The following CCL26 variants were observed in gnomAD, a reference collection of about 807,000 sequenced individuals.
CCL26 encodes C-C motif chemokine 26.
A neutral mutation model predicts 10.7 loss-of-function variants in CCL26; 10 were observed. That is an observed-to-expected ratio of 0.93 (90% CI 0.57 to 1.58). The LOEUF is 1.58. Ranked by LOEUF, CCL26 falls within the 40% of genes most tolerant of loss-of-function variation. The pLI is 0.00. For missense variants in CCL26, 116 were observed against 111.0 expected, an observed-to-expected ratio of 1.05 and a Z score of -0.20; for synonymous variants, 43 against 41.4, an observed-to-expected ratio of 1.04 and a Z score of -0.15.
chr7:75,774,298 C>T (rs566256504), upstream of CCL26, among the ~76,000 whole-genome samples: 1 of 152,112 alleles, frequency 6.6e-6, no homozygotes, highest in South Asian at 2.1e-4. Context: ...TACAGGCATG[C>T]GCCATCACGC....
At chr7:75,780,538 T>C (rs1417671873) in intron 1 of CCL26, among the ~76,000 whole-genome samples, 1 of 152,112 alleles carries the variant, frequency 6.6e-6, no homozygotes, top group African/African-American at 2.4e-5. Flanking sequence ...GCCAGAAAAA[T>C]GGCACTTTCG....
chr7:75,773,287 G>T (rs1202280212), upstream of CCL26, among the ~76,000 whole-genome samples: 1 of 151,924 alleles, frequency 6.6e-6, no homozygotes, highest in South Asian at 2.1e-4. Context: ...AGCCAGGCAC[G>T]GTGGCGGGCA....
intron 1 of CCL26, among the ~76,000 whole-genome samples, chr7:75,783,538 G>A (rs555985852): frequency 1.3e-5 from 2 of 152,234 alleles, no homozygotes; most frequent in Non-Finnish European, 1.5e-5. Flanking sequence ...GGTGGCTCAC[G>A]CTTGTAATCC....
chr7:75,787,430 G>A (rs540667558), intron 1 of CCL26, among the ~76,000 whole-genome samples: 2 of 151,962 alleles, frequency 1.3e-5, no homozygotes, highest in African/African-American at 4.8e-5. Context: ...AGATCACAAG[G>A]TCAGAAGATC....
At chr7:75,779,926 C>A (rs968701707) in intron 1 of CCL26, among the ~76,000 whole-genome samples, 15 of 145,690 alleles carry the variant, frequency 1.0e-4, no homozygotes, top group Non-Finnish European at 2.0e-4. Flanking sequence ...GGGCAAGCAC[C>A]CCCCTCCCCT....
At chr7:75,784,841 C>T (rs567235648) in intron 1 of CCL26, among the ~76,000 whole-genome samples, 100 of 152,198 alleles carry the variant, frequency 6.6e-4, no homozygotes, top group Non-Finnish European at 1.3e-3. Context: ...TCTACTCCCC[C>T]CTTGGTGACC....
chr7:75,791,236 A>G (rs1372367552), upstream of CCL26, among the ~76,000 whole-genome samples: 3 of 151,990 alleles, frequency 2.0e-5, no homozygotes, highest in Non-Finnish European at 4.4e-5. Flanking sequence ...CATGTTGGCC[A>G]GGCTGGTCTC....
chr7:75,769,747 C>T lies in CCL26; in HGVS notation c.231G>A (p.Arg77=). 6.2e-7 allele frequency: 1 copy of T among 1,612,524 alleles called. No homozygotes were observed. The highest frequency in any genetic ancestry group is 8.5e-7 in the Non-Finnish European group (1 of 1,178,668). ...KRGKKVCTHP[R]KKWVQKYISL... is the part of the protein sequence containing the mutation. ...AAATGTATTTTTGCACCCATTTTTTCCTTGGATGGGTACAGACTTTCTTGC... is the reference window on the plus strand; with the variant it reads ...AAATGTATTTTTGCACCCATTTTTTTCTTGGATGGGTACAGACTTTCTTGC... Residue 77 remains arginine, a synonymous_variant, in exon 3 of 3, where the codon AGG becomes AGA. Transcript: ENST00000005180.
At chr7:75,783,584 G>C (rs1003171818) in intron 1 of CCL26, among the ~76,000 whole-genome samples, 8 of 152,092 alleles carry the variant, frequency 5.3e-5, no homozygotes, top group Non-Finnish European at 1.2e-4. Context: ...CGGATCACGA[G>C]GTCAGGAGAT....
At chr7:75,781,094 GC>G (rs1803049843) in intron 1 of CCL26, among the ~76,000 whole-genome samples, 2 of 152,114 alleles carry the variant, frequency 1.3e-5, no homozygotes, top group Non-Finnish European at 2.9e-5. Flanking sequence ...ACAACCCTTA[GC>G]GGCTTTACAG....
chr7:75,791,440 C>A (rs1360115645), upstream of CCL26, among the ~76,000 whole-genome samples: 1 of 152,152 alleles, frequency 6.6e-6, no homozygotes, highest in Non-Finnish European at 1.5e-5. Context: ...CCAGGCCCTT[C>A]CCTGTGGCTG....
At chr7:75,781,030 T>A (rs1260779327) in intron 1 of CCL26, among the ~76,000 whole-genome samples, 2 of 152,248 alleles carry the variant, frequency 1.3e-5, no homozygotes, top group Non-Finnish European at 2.9e-5. Context: ...AGTTAGCATT[T>A]AGGCTCTTTC....
chr7:75,786,002 T>C (rs546503980), intron 1 of CCL26, among the ~76,000 whole-genome samples: 1 of 152,260 alleles, frequency 6.6e-6, no homozygotes, highest in East Asian at 1.9e-4. Context: ...CAAACTATGC[T>C]CAACTCACTC....
At chr7:75,787,970 G>A (rs903009648) in intron 1 of CCL26, among the ~76,000 whole-genome samples, 3 of 151,394 alleles carry the variant, frequency 2.0e-5, no homozygotes, top group African/African-American at 7.3e-5. Context: ...CCACAATATC[G>A]CCCCTTACCA....
At chr7:75,783,886 C>A (rs1554529706) in intron 1 of CCL26, among the ~76,000 whole-genome samples, 1 of 152,076 alleles carries the variant, frequency 6.6e-6, no homozygotes, top group Admixed American at 6.6e-5. Flanking sequence ...CAGCCCTACA[C>A]CCTGAAAGGT....
intron 1 of CCL26, among the ~76,000 whole-genome samples, chr7:75,779,852 T>A (rs1168618702): frequency 1.3e-5 from 2 of 152,080 alleles, no homozygotes; most frequent in Admixed American, 1.3e-4. Flanking sequence ...TCTCTCTGTG[T>A]CTCTATCCCT....
At chr7:75,777,370 C>A (rs1318997872) in intron 1 of CCL26, among the ~76,000 whole-genome samples, 5 of 152,194 alleles carry the variant, frequency 3.3e-5, no homozygotes, top group Admixed American at 2.0e-4. Flanking sequence ...AATAAATTGT[C>A]ATTTAATAAC....
intron 1 of CCL26, among the ~76,000 whole-genome samples, chr7:75,785,520 G>A (rs559838766): frequency 1.3e-3 from 193 of 152,066 alleles, no homozygotes; most frequent in African/African-American, 4.3e-3. Context: ...TACCTACCTC[G>A]GCATAATTCT....
At chr7:75,781,587 G>A (rs557152397) in intron 1 of CCL26, among the ~76,000 whole-genome samples, 5 of 152,324 alleles carry the variant, frequency 3.3e-5, no homozygotes, top group Non-Finnish European at 5.9e-5. Context: ...TGACCTGCAC[G>A]TATGCATCCA....
Sources: allele counts gnomAD v4.1 joint callset (sites outside exome capture counted in the v4.1 genomes callset), GRCh38; gene constraint gnomAD v4.1.1; transcripts MANE v1.5; gene names NCBI Gene and HGNC (gene_info 2026-07-23, HGNC 2026-07-21).